Variants in TRPC7 observed in about 807,000 individuals in gnomAD.
TRPC7 encodes the protein transient receptor potential cation channel subfamily C member 7.
In TRPC7, 42 loss-of-function variants were observed where a neutral mutation model predicts 90.1. That is an observed-to-expected ratio of 0.47 (90% CI 0.36 to 0.60). The LOEUF (loss-of-function observed/expected upper bound fraction) is 0.60. TRPC7 is among the 20% of genes least tolerant of loss of function. The pLI is 0.00. For synonymous variants in TRPC7, 451 were observed against 436.3 expected (o/e 1.03, Z -0.42); for missense variants, 955 against 1,112.3 (o/e 0.86, Z 2.01).
chr5:136,296,647 C>T (rs1442100976), intron 3 of TRPC7, among the ~76,000 whole-genome samples: 5 of 151,994 alleles, frequency 3.3e-5, no homozygotes, highest in Non-Finnish European at 7.4e-5. Flanking sequence ...AATTATTTAC[C>T]CTATAGCTGT....
intron 3 of TRPC7, among the ~76,000 whole-genome samples, chr5:136,292,798 G>A (rs1428906226): frequency 6.6e-6 from 1 of 152,142 alleles, no homozygotes; most frequent in Non-Finnish European, 1.5e-5. Context: ...ATTTTATGAG[G>A]CCAGCATCAT....
At chr5:136,357,558 G>A (rs1031062322) in intron 1 of TRPC7, among the ~76,000 whole-genome samples, 173 bp from the exon 2 acceptor site, 7 of 152,176 alleles carry the variant, frequency 4.6e-5, no homozygotes, top group African/African-American at 1.7e-4. Context: ...TGGGTTACCT[G>A]TACTATTTCT....
chr5:136,346,745 T>C (rs1258594117), intron 2 of TRPC7, among the ~76,000 whole-genome samples: 1 of 152,216 alleles, frequency 6.6e-6, no homozygotes, highest in East Asian at 1.9e-4. Flanking sequence ...TGGCCTAGTT[T>C]GCCCTACTGG....
At chr5:136,294,455 C>G (rs1323950288) in intron 3 of TRPC7, among the ~76,000 whole-genome samples, 2 of 151,956 alleles carry the variant, frequency 1.3e-5, no homozygotes, top group African/African-American at 4.8e-5. Context: ...AAAAAACAAA[C>G]AACCCCATCA....
chr5:136,216,465 C>T (rs1755272699), intron 10 of TRPC7, among the ~76,000 whole-genome samples, 190 bp from the exon 11 acceptor site: 1 of 152,188 alleles, frequency 6.6e-6, no homozygotes, highest in South Asian at 2.1e-4. Context: ...TTTCGCCTCC[C>T]CCGCAGGATG....
intron 3 of TRPC7, among the ~76,000 whole-genome samples, chr5:136,291,342 C>A (rs1345378978): frequency 6.6e-6 from 1 of 152,194 alleles, no homozygotes. Flanking sequence ...AAGGCACAGA[C>A]TGGCAAATTG....
At chr5:136,253,144 T>G (rs538585476) in intron 5 of TRPC7, among the ~76,000 whole-genome samples, 1 of 152,370 alleles carries the variant, frequency 6.6e-6, no homozygotes, top group African/African-American at 2.4e-5. Flanking sequence ...GTGATTAATA[T>G]TTTGGATATG....
chr5:136,299,340 CGTGT>C (rs529330866), intron 3 of TRPC7, among the ~76,000 whole-genome samples: 30,555 of 122,526 alleles, frequency 0.25, 4,010 homozygotes, highest in African/African-American at 0.37. Flanking sequence ...GGGGTGTGTG[CGTGT>C]GTGTGTGTGT....
intron 7 of TRPC7, among the ~76,000 whole-genome samples, chr5:136,241,453 C>G (rs888843086): frequency 6.6e-6 from 1 of 152,266 alleles, no homozygotes; most frequent in East Asian, 1.9e-4. Flanking sequence ...ACACCCTTCA[C>G]TTCCTACTCT....
chr5:136,299,480 T>C (rs1217420360), intron 3 of TRPC7, among the ~76,000 whole-genome samples: 3 of 151,856 alleles, frequency 2.0e-5, no homozygotes, highest in Non-Finnish European at 2.9e-5. Flanking sequence ...TTGGATTACA[T>C]AAATTAAAAC....
At chr5:136,275,017 C>T (rs1317580543) in intron 3 of TRPC7, among the ~76,000 whole-genome samples, 180 bp from the exon 4 acceptor site, 1 of 152,088 alleles carries the variant, frequency 6.6e-6, no homozygotes, top group African/African-American at 2.4e-5. Context: ...CTTGGGGATG[C>T]TAAGGAACTT....
chr5:136,274,509 A>AT, intron 4 of TRPC7, 164 bp downstream of exon 4: 1 of 747,526 alleles, frequency 1.3e-6, no homozygotes, highest in Non-Finnish European at 1.9e-6. Flanking sequence ...ACGTCTTAAC[A>AT]TTTTTCCTTT....
chr5:136,289,059 A>G (rs907980024), intron 3 of TRPC7, among the ~76,000 whole-genome samples: 2 of 152,130 alleles, frequency 1.3e-5, no homozygotes, highest in African/African-American at 4.8e-5. Flanking sequence ...TCTCCTTTTC[A>G]CCTTTTCTAA....
chr5:136,294,555 G>A (rs947557910), intron 3 of TRPC7, among the ~76,000 whole-genome samples: 2 of 151,970 alleles, frequency 1.3e-5, no homozygotes, highest in Non-Finnish European at 2.9e-5. Context: ...ATCATCCCTG[G>A]CCATCAGAAA....
chr5:136,223,398 G>A (rs1187544423), intron 10 of TRPC7, among the ~76,000 whole-genome samples: 1 of 152,160 alleles, frequency 6.6e-6, no homozygotes, highest in Non-Finnish European at 1.5e-5. Context: ...TGGATCACCT[G>A]AGGTCGGGAG....
At chr5:136,304,610 T>C (rs1384170338) in intron 3 of TRPC7, among the ~76,000 whole-genome samples, 1 of 152,052 alleles carries the variant, frequency 6.6e-6, no homozygotes, top group African/African-American at 2.4e-5. Context: ...AGCCTCTCTT[T>C]GCTTTCACTT....
At chr5:136,354,696 C>T (rs374125674) in intron 2 of TRPC7, among the ~76,000 whole-genome samples, 1 of 152,234 alleles carries the variant, frequency 6.6e-6, no homozygotes, top group Non-Finnish European at 1.5e-5. Context: ...CCCTTTCCTA[C>T]AAGACAACCT....
intron 8 of TRPC7, among the ~76,000 whole-genome samples, chr5:136,230,131 A>C (rs1330886052): frequency 6.6e-6 from 1 of 152,202 alleles, no homozygotes; most frequent in African/African-American, 2.4e-5. Flanking sequence ...TCAATGGACT[A>C]TTTCCAGGTT....
At chr5:136,315,244 C>T (rs781470307) in intron 3 of TRPC7, among the ~76,000 whole-genome samples, 2 of 152,274 alleles carry the variant, frequency 1.3e-5, no homozygotes, top group African/African-American at 2.4e-5. Context: ...TTATGTTTCT[C>T]GAGAAGACTT....
Sources: gnomAD v4.1 joint callset for allele counts (sites outside exome capture counted in the v4.1 genomes callset) on GRCh38, gnomAD v4.1.1 for gene constraint, MANE v1.5 for transcripts, NCBI Gene and HGNC (gene_info 2026-07-23, HGNC 2026-07-21) for gene names.